ARAP2: variants seen among roughly 807,000 people sequenced by gnomAD.
ARAP2 encodes the protein ArfGAP with RhoGAP domain, ankyrin repeat and PH domain 2, also known as arf-GAP with Rho-GAP domain, ANK repeat and PH domain-containing protein 2.
In ARAP2, 148 loss-of-function variants were observed where a neutral mutation model predicts 194.5. That is an observed-to-expected ratio of 0.76 (90% confidence interval 0.67 to 0.87). ARAP2 has a LOEUF of 0.87. ARAP2 is among the 40% of genes least tolerant of loss of function. The probability of loss-of-function intolerance (pLI) is 0.00; values close to 1 mark genes in which losing one functional copy is unlikely to be tolerated. For missense variants in ARAP2, 2,128 were observed against 1,989.7 expected (o/e 1.07, Z -1.32); for synonymous variants, 695 against 683.5 (o/e 1.02, Z -0.26).
At chr4:36,161,401 C>T (rs1187790015) in intron 12 of ARAP2, 64 bp downstream of exon 12, 3 of 1,378,186 alleles carry the variant, frequency 2.2e-6, no homozygotes, top group African/African-American at 2.9e-5. Context: ...CCACAGCAAA[C>T]CTCCTCCCAG....
intron 9 of ARAP2, among the ~76,000 whole-genome samples, chr4:36,174,115 T>A (rs1042264641): frequency 6.6e-6 from 1 of 152,216 alleles, no homozygotes; most frequent in Non-Finnish European, 1.5e-5. Flanking sequence ...TCTAGAGCAG[T>A]GCCCAGAAAT....
chr4:36,114,583 T>TC (rs930171038), intron 25 of ARAP2, among the ~76,000 whole-genome samples: 8 of 152,188 alleles, frequency 5.3e-5, no homozygotes, highest in African/African-American at 1.9e-4. Flanking sequence ...GGAATGACCT[T>TC]CGCCAGACAA....
chr4:36,202,209 CTATT>C (rs1434739850), intron 6 of ARAP2, among the ~76,000 whole-genome samples: 1 of 151,990 alleles, frequency 6.6e-6, no homozygotes, highest in Non-Finnish European at 1.5e-5. Context: ...TTTTATTCAG[CTATT>C]TATTTATCCA....
chr4:36,032,806 T>G (rs1029507931), intron 5 of ARAP2, among the ~76,000 whole-genome samples: 2 of 152,198 alleles, frequency 1.3e-5, no homozygotes, highest in African/African-American at 4.8e-5. Context: ...AGTTATGTTT[T>G]CTGATCCTTG....
At chr4:36,169,379 G>T (rs1340347159) in intron 9 of ARAP2, among the ~76,000 whole-genome samples, 1 of 152,104 alleles carries the variant, frequency 6.6e-6, no homozygotes, top group Non-Finnish European at 1.5e-5. Flanking sequence ...TATGGAAACT[G>T]ATGAGCCTCA....
intron 3 of ARAP2, among the ~76,000 whole-genome samples, chr4:36,051,793 A>C (rs1020576002): frequency 6.6e-6 from 1 of 152,210 alleles, no homozygotes; most frequent in Non-Finnish European, 1.5e-5. Context: ...AATATGGTAC[A>C]ATGAGCTTAA....
At chr4:36,104,857 T>C (rs1020430793) in intron 27 of ARAP2, among the ~76,000 whole-genome samples, 1 of 152,010 alleles carries the variant, frequency 6.6e-6, no homozygotes, top group East Asian at 1.9e-4. Flanking sequence ...AATGATCCAA[T>C]TAATGTATTT....
chr4:36,206,884 T>C (rs1745649690), intron 6 of ARAP2, among the ~76,000 whole-genome samples: 1 of 152,168 alleles, frequency 6.6e-6, no homozygotes. Flanking sequence ...AAAAGAGGAA[T>C]TTCCCCAAGT....
intron 2 of ARAP2, among the ~76,000 whole-genome samples, chr4:36,221,330 A>ATG (rs1749122983): frequency 6.6e-6 from 1 of 152,132 alleles, no homozygotes; most frequent in African/African-American, 2.4e-5. Flanking sequence ...ATACACACAC[A>ATG]CATATAGCAT....
At chr4:36,114,506 A>G (rs561232909) in intron 25 of ARAP2, among the ~76,000 whole-genome samples, 27 of 152,188 alleles carry the variant, frequency 1.8e-4, no homozygotes, top group African/African-American at 6.5e-4. Flanking sequence ...TAGACATAAG[A>G]GAATTTTTTA....
chr4:36,153,752 C>T (rs1187899155), intron 15 of ARAP2, among the ~76,000 whole-genome samples: 1 of 152,196 alleles, frequency 6.6e-6, no homozygotes, highest in African/African-American at 2.4e-5. Flanking sequence ...CATACCTAAA[C>T]TCATAGGCTA....
At chr4:36,028,057 A>C (rs1008362450) in intron 5 of ARAP2, among the ~76,000 whole-genome samples, 1 of 152,214 alleles carries the variant, frequency 6.6e-6, no homozygotes, top group African/African-American at 2.4e-5. Flanking sequence ...TTGCATTCTC[A>C]GAATAAATGT....
chr4:36,113,818 A>G (rs1720639310), intron 26 of ARAP2, among the ~76,000 whole-genome samples: 1 of 151,974 alleles, frequency 6.6e-6, no homozygotes. Flanking sequence ...TATATAATAA[A>G]CAATATTTTA....
At chr4:36,026,300 T>G (rs1243571654) in intron 5 of ARAP2, among the ~76,000 whole-genome samples, 2 of 152,184 alleles carry the variant, frequency 1.3e-5, no homozygotes, top group Non-Finnish European at 2.9e-5. Flanking sequence ...TAGCCTGTGA[T>G]TCACATATTT....
In ARAP2 at chr4:36,100,683, T is replaced by C. The variant is rs551916838; in HGVS notation, c.4285+6882A>G. On this transcript the variant is annotated intron_variant, in intron 27 of 32. Transcript: ENST00000303965. ...TATGATATTCACTCAAAATGCACTT[T>C]GGTGAAATTTACATGAGAAGACACC... 2.8e-3 allele frequency among the ~76,000 whole-genome samples: 433 copies of C among 152,220 alleles called. 2 individuals carry two copies. The highest frequency in any genetic ancestry group is 4.2e-3 in the Non-Finnish European group (286 of 67,992).
chr4:36,044,348 A>G (rs1721453806), intron 5 of ARAP2, among the ~76,000 whole-genome samples: 1 of 152,212 alleles, frequency 6.6e-6, no homozygotes, highest in Non-Finnish European at 1.5e-5. Flanking sequence ...CACTGTAAAG[A>G]GGATTTTAAA....
At position 36,178,001 on chromosome 4, in the gene ARAP2, C is replaced by T. The variant is rs1441753593; in HGVS notation, c.1683G>A (p.Glu561=). The T allele has an allele frequency of 2.5e-6, 4 of 1,588,620 alleles. No homozygotes were observed. Among genetic ancestry groups the T allele is most frequent in the Admixed American group, 1.9e-5 (1 of 53,748 alleles). ...ATAGTATGCTGATCCAGTCATTTCTCTCCTCTGAAAATGAAGACAGGAGAA... is the reference window on the plus strand; with the variant it reads ...ATAGTATGCTGATCCAGTCATTTCTTTCCTCTGAAAATGAAGACAGGAGAA... ...TFVFRVEKEE[E]RNDWISILLN... Residue 561 remains glutamate (E), a synonymous_variant, in exon 9 of 33, where the codon GAG becomes GAA. Coordinates refer to ENST00000303965, the MANE Select transcript of ARAP2 (RefSeq NM_015230.4).
chr4:36,156,898 G>T (rs537333502), intron 15 of ARAP2, among the ~76,000 whole-genome samples: 1 of 152,002 alleles, frequency 6.6e-6, no homozygotes, highest in Non-Finnish European at 1.5e-5. Flanking sequence ...TACAGATAAC[G>T]CATCAGTTTC....
chr4:36,114,441 G>A (rs562808560), intron 25 of ARAP2, among the ~76,000 whole-genome samples, 154 bp from the exon 26 acceptor site: 3 of 152,050 alleles, frequency 2.0e-5, no homozygotes, highest in African/African-American at 7.2e-5. Context: ...ACAGAAAACA[G>A]CATGTTCAGA....
Sources: allele counts gnomAD v4.1 joint callset (sites outside exome capture counted in the v4.1 genomes callset), GRCh38; gene constraint gnomAD v4.1.1; transcripts MANE v1.5; gene names NCBI Gene and HGNC (gene_info 2026-07-23, HGNC 2026-07-21).